The following GPC6 variants were observed in gnomAD, a reference collection of about 807,000 sequenced individuals.
The protein encoded by GPC6 is glypican-6.
GPC6 carries 14 observed loss-of-function variants against 55.2 expected under a neutral mutation model. The ratio of observed to expected loss-of-function variants is 0.25; its 90% CI spans 0.17 to 0.40. The LOEUF (loss-of-function observed/expected upper bound fraction) is 0.40. Ranked by LOEUF, GPC6 falls within the 10% of genes least tolerant of loss-of-function variation. The probability of loss-of-function intolerance (pLI) is 1.00; values close to 1 mark genes in which losing one functional copy is unlikely to be tolerated. For synonymous variants in GPC6, 278 were observed against 259.6 expected, an observed-to-expected ratio of 1.07 and a Z score of -0.68; for missense variants, 641 against 708.5, an observed-to-expected ratio of 0.90 and a Z score of 1.08.
intron 3 of GPC6, 67 bp downstream of exon 3, chr13:93,830,612 T>TAAAAAAAAAAAAA: frequency 3.1e-6 from 1 of 326,102 alleles, no homozygotes; most frequent in Non-Finnish European, 4.9e-6. Flanking sequence ...AACCAATGTT[T>TAAAAAAAAAAAAA]AAAAAAAAAA....
chr13:93,705,292 C>G (rs1235021985), intron 2 of GPC6, among the ~76,000 whole-genome samples: 3 of 151,892 alleles, frequency 2.0e-5, no homozygotes, highest in Admixed American at 6.6e-5. Context: ...AACCAATGCT[C>G]TTCTGCAAAC....
intron 2 of GPC6, among the ~76,000 whole-genome samples, chr13:93,679,880 A>G (rs1019053087): frequency 9.9e-5 from 15 of 152,068 alleles, no homozygotes; most frequent in Non-Finnish European, 1.6e-4. Context: ...ATGTGCACAC[A>G]TATTATTATA....
chr13:94,304,835 T>C (rs1312910297), intron 5 of GPC6, among the ~76,000 whole-genome samples: 1 of 152,192 alleles, frequency 6.6e-6, no homozygotes, highest in African/African-American at 2.4e-5. Context: ...TGAACAGCTG[T>C]CAACAACAAA....
At chr13:93,637,123 G>A in intron 2 of GPC6, among the ~76,000 whole-genome samples, 1 of 152,074 alleles carries the variant, frequency 6.6e-6, no homozygotes, top group East Asian at 1.9e-4. Context: ...TAAGCTCAAT[G>A]ATCAATGCTA....
At chr13:93,700,300 C>T (rs755536769) in intron 2 of GPC6, among the ~76,000 whole-genome samples, 9 of 152,170 alleles carry the variant, frequency 5.9e-5, no homozygotes, top group South Asian at 2.1e-4. Flanking sequence ...GCCAATCTTT[C>T]TTAGAGTAAA....
At chr13:94,348,722 C>G (rs1878403123) in intron 6 of GPC6, among the ~76,000 whole-genome samples, 1 of 152,182 alleles carries the variant, frequency 6.6e-6, no homozygotes, top group South Asian at 2.1e-4. Context: ...CTGGACCACC[C>G]TCTGACACTG....
In GPC6 at chr13:94,238,683, C is replaced by T. The variant is rs544286350; in HGVS notation, c.878-47666C>T. ...TTTAGGGAGCTTTGGGAATAAGCAC[C>T]GTGTGAGAAAGTAGAAGCAAAAGAT... On this transcript the variant is annotated intron_variant, in intron 4 of 8. Transcript: ENST00000377047. Among the ~76,000 whole-genome samples, 141 of 152,134 alleles carry T rather than the reference C, an allele frequency of 9.3e-4. 3 individuals are homozygous for T. In the South Asian group the frequency reaches 0.025, roughly 27 times the overall value.
intron 8 of GPC6, 90 bp from the exon 9 acceptor site, chr13:94,402,925 G>T: frequency 2.1e-6 from 2 of 952,158 alleles, no homozygotes; most frequent in Non-Finnish European, 3.4e-6. Flanking sequence ...GGGGATTATG[G>T]GGATTACAAT....
chr13:93,678,566 A>G (rs1881731898), intron 2 of GPC6, among the ~76,000 whole-genome samples: 1 of 152,188 alleles, frequency 6.6e-6, no homozygotes, highest in African/African-American at 2.4e-5. Flanking sequence ...ACTTAAACCT[A>G]GACAATTGTG....
At chr13:93,830,047 G>GT in intron 2 of GPC6, 107 bp from the exon 3 acceptor site, 1 of 735,708 alleles carries the variant, frequency 1.4e-6, no homozygotes, top group Non-Finnish European at 2.2e-6. Context: ...CACAGGATAT[G>GT]TTTTTCCATG....
chr13:93,526,311 A>G (rs940097891), intron 1 of GPC6, among the ~76,000 whole-genome samples: 4 of 152,094 alleles, frequency 2.6e-5, no homozygotes, highest in African/African-American at 4.8e-5. Context: ...AATGAATGTC[A>G]ACTAAGGTGA....
At chr13:93,238,933 A>C (rs1158172387) in intron 1 of GPC6, among the ~76,000 whole-genome samples, 1 of 152,104 alleles carries the variant, frequency 6.6e-6, no homozygotes, top group Non-Finnish European at 1.5e-5. Context: ...CATTCCTGAA[A>C]TGAAGCTTAG....
chr13:93,347,090 T>A (rs1442162910), intron 1 of GPC6, among the ~76,000 whole-genome samples: 1 of 152,158 alleles, frequency 6.6e-6, no homozygotes, highest in Admixed American at 6.6e-5. Context: ...TTGATGTTCT[T>A]TTTGAACATG....
At chr13:94,395,985 G>A (rs1023128194) in intron 7 of GPC6, among the ~76,000 whole-genome samples, 3 of 152,208 alleles carry the variant, frequency 2.0e-5, no homozygotes, top group African/African-American at 7.2e-5. Context: ...AGGTCAAGAG[G>A]CGGGACTAAA....
At chr13:93,494,828 C>G (rs996105858) in intron 1 of GPC6, among the ~76,000 whole-genome samples, 22 of 147,068 alleles carry the variant, frequency 1.5e-4, no homozygotes, top group South Asian at 6.7e-4. Context: ...AAATTCTTTT[C>G]TTTAAGAATG....
chr13:93,713,669 A>T (rs1883148806), intron 2 of GPC6, among the ~76,000 whole-genome samples: 1 of 151,356 alleles, frequency 6.6e-6, no homozygotes, highest in Non-Finnish European at 1.5e-5. Context: ...TTGATTTAAA[A>T]ATAACTTCTA....
chr13:93,461,617 G>A (rs1372159534), intron 1 of GPC6, among the ~76,000 whole-genome samples: 1 of 135,854 alleles, frequency 7.4e-6, no homozygotes, highest in East Asian at 2.4e-4. Flanking sequence ...TAAAAAATCA[G>A]CTAGTTCAAG....
chr13:93,669,844 G>A (rs550735793), intron 2 of GPC6, among the ~76,000 whole-genome samples: 2 of 149,434 alleles, frequency 1.3e-5, no homozygotes, highest in Non-Finnish European at 3.0e-5. Flanking sequence ...AAAAAAAAAA[G>A]CACATATTGA....
Position 94,285,893 on chromosome 13 carries a change from T to A in GPC6, c.878-456T>A, listed in dbSNP as rs376725647. Among the ~76,000 whole-genome samples, 33 of 152,282 alleles carry A rather than the reference T, an allele frequency of 2.2e-4. 1 individual carries two copies. The South Asian group carries it at 6.2e-3, about 29-fold the overall frequency. ...AGACAGATCTGTACATCTTGAGAGA[T>A]CCAGAAATGCTTCACACAGGTAGAT... is the stretch of plus-strand genomic sequence containing the variant. On this transcript the variant is annotated intron_variant, in intron 4 of 8. Coordinates refer to ENST00000377047, the MANE Select transcript of GPC6 (RefSeq NM_005708.5).
Sources: allele counts gnomAD v4.1 joint callset (sites outside exome capture counted in the v4.1 genomes callset), GRCh38; gene constraint gnomAD v4.1.1; transcripts MANE v1.5; gene names NCBI Gene and HGNC (gene_info 2026-07-23, HGNC 2026-07-21).